TANC2: variants seen among roughly 807,000 people sequenced by gnomAD.
TANC2 encodes protein TANC2.
TANC2 carries 26 observed loss-of-function variants against 210.5 expected under a neutral mutation model. The ratio of observed to expected loss-of-function variants is 0.12; its 90% CI spans 0.09 to 0.17. The LOEUF is 0.17. Ranked by LOEUF, TANC2 falls within the 10% of genes least tolerant of loss-of-function variation. The pLI, the probability that TANC2 is intolerant of heterozygous loss-of-function variation, is 1.00. For synonymous variants in TANC2, 931 were observed against 967.1 expected (o/e 0.96, Z 0.69); for missense variants, 2,129 against 2,608.9 (o/e 0.82, Z 4.01).
chr17:63,295,943 C>T (rs2044522299), intron 9 of TANC2, among the ~76,000 whole-genome samples: 1 of 152,092 alleles, frequency 6.6e-6, no homozygotes, highest in Non-Finnish European at 1.5e-5. Flanking sequence ...TTTTTACCTC[C>T]CCAAGTCATG....
intron 15 of TANC2, chr17:63,381,246 A>T (rs200824950): frequency 6.6e-6 from 1 of 152,204 alleles, no homozygotes; most frequent in East Asian, 1.9e-4. Flanking sequence ...CCCTCCTGTC[A>T]TTAGCACAGT....
At chr17:63,323,164 C>T (rs931748484) in intron 11 of TANC2, among the ~76,000 whole-genome samples, 3 of 152,142 alleles carry the variant, frequency 2.0e-5, no homozygotes, top group Admixed American at 1.3e-4. Context: ...ATAGGATTTT[C>T]AAATTAGTTA....
chr17:63,355,903 T>G (rs1202122390), intron 14 of TANC2, among the ~76,000 whole-genome samples: 1 of 152,186 alleles, frequency 6.6e-6, no homozygotes. Context: ...CTGAAAAAGA[T>G]TTGAAGAGAT....
chr17:63,259,098 G>A (rs779756537), intron 8 of TANC2, among the ~76,000 whole-genome samples: 1 of 152,132 alleles, frequency 6.6e-6, no homozygotes, highest in Non-Finnish European at 1.5e-5. Flanking sequence ...CTTCTGGCAC[G>A]GGGTATGTCT....
At chr17:63,298,695 TA>T (rs142582479) in intron 9 of TANC2, among the ~76,000 whole-genome samples, 12 of 152,164 alleles carry the variant, frequency 7.9e-5, no homozygotes, top group Non-Finnish European at 1.2e-4. Flanking sequence ...ACCTTGATTT[TA>T]AAAAACTTAT....
At chr17:63,053,109 C>G (rs985686105) in intron 2 of TANC2, among the ~76,000 whole-genome samples, 2 of 152,124 alleles carry the variant, frequency 1.3e-5, no homozygotes, top group Admixed American at 6.6e-5. Context: ...CAACAACATC[C>G]TTGTTATGTT....
intron 4 of TANC2, among the ~76,000 whole-genome samples, chr17:63,118,646 G>T (rs2038341965): frequency 6.6e-6 from 1 of 152,104 alleles, no homozygotes; most frequent in African/African-American, 2.4e-5. Flanking sequence ...TTGAGACAGG[G>T]TTGCCCAGGT....
intron 1 of TANC2, among the ~76,000 whole-genome samples, chr17:62,975,281 G>A (rs2031936363): frequency 6.6e-6 from 1 of 152,134 alleles, no homozygotes; most frequent in African/African-American, 2.4e-5. Flanking sequence ...AGTTGTGGTT[G>A]CTGAAATTTG....
chr17:63,352,339 GT>G (rs1159312743), intron 13 of TANC2, among the ~76,000 whole-genome samples: 3 of 152,026 alleles, frequency 2.0e-5, no homozygotes, highest in Admixed American at 1.3e-4. Context: ...ATATTGACCA[GT>G]TAGCATTACT....
At chr17:63,119,077 C>T (rs1598425626) in intron 4 of TANC2, among the ~76,000 whole-genome samples, 1 of 152,170 alleles carries the variant, frequency 6.6e-6, no homozygotes, top group African/African-American at 2.4e-5. Flanking sequence ...CCACCACACC[C>T]GGCCCTCCAA....
intron 2 of TANC2, among the ~76,000 whole-genome samples, chr17:63,023,950 C>T (rs2034450664): frequency 1.3e-5 from 2 of 152,202 alleles, no homozygotes; most frequent in South Asian, 4.1e-4. Context: ...CAGATAGACA[C>T]ATGTATTCAC....
intron 2 of TANC2, among the ~76,000 whole-genome samples, chr17:63,038,584 A>G (rs745737440): frequency 6.6e-6 from 1 of 152,106 alleles, no homozygotes; most frequent in Admixed American, 6.5e-5. Context: ...AAGAAATTGT[A>G]GAATTTGTTA....
chr17:63,394,856 G>A (rs1434915423), intron 17 of TANC2, among the ~76,000 whole-genome samples: 1 of 152,228 alleles, frequency 6.6e-6, no homozygotes, highest in Non-Finnish European at 1.5e-5. Flanking sequence ...GAGAGTCCTT[G>A]AGAGCAGAAC....
intron 7 of TANC2, among the ~76,000 whole-genome samples, chr17:63,207,458 G>A (rs1030312208): frequency 1.5e-4 from 22 of 151,560 alleles, no homozygotes; most frequent in African/African-American, 2.2e-4. Context: ...CTCGTGATCC[G>A]CCCGCCTCAG....
At chr17:63,235,454 A>G (rs576818011) in intron 7 of TANC2, among the ~76,000 whole-genome samples, 2 of 152,220 alleles carry the variant, frequency 1.3e-5, no homozygotes, top group East Asian at 3.9e-4. Flanking sequence ...GGTGGAGCCC[A>G]AAAGCACATA....
chr17:63,040,499 G>A (rs1249730321), intron 2 of TANC2, among the ~76,000 whole-genome samples: 1 of 152,094 alleles, frequency 6.6e-6, no homozygotes, highest in Non-Finnish European at 1.5e-5. Flanking sequence ...GTTGAGACGA[G>A]ATGTTTACTT....
At chr17:63,402,326 A>T (rs2048367767) in intron 19 of TANC2, among the ~76,000 whole-genome samples, 1 of 152,156 alleles carries the variant, frequency 6.6e-6, no homozygotes, top group African/African-American at 2.4e-5. Context: ...CCAAGGACAT[A>T]TCTCCATTGT....
intron 7 of TANC2, among the ~76,000 whole-genome samples, chr17:63,208,133 T>G (rs1362789154): frequency 6.6e-6 from 1 of 152,064 alleles, no homozygotes; most frequent in East Asian, 1.9e-4. Context: ...TTAATTTTAA[T>G]GTAGTCAAGT....
intron 21 of TANC2, 136 bp downstream of exon 21, chr17:63,406,413 C>A: frequency 1.6e-6 from 2 of 1,215,960 alleles, no homozygotes; most frequent in Non-Finnish European, 2.3e-6. Flanking sequence ...AGGCTATCTC[C>A]TCCCCTCTTG....
Sources: gnomAD v4.1 joint callset for allele counts (sites outside exome capture counted in the v4.1 genomes callset) on GRCh38, gnomAD v4.1.1 for gene constraint, MANE v1.5 for transcripts, NCBI Gene and HGNC (gene_info 2026-07-23, HGNC 2026-07-21) for gene names.